Variants in ASAH2 observed in about 807,000 individuals in gnomAD.
ASAH2 encodes the protein neutral ceramidase.
ASAH2 carries 58 observed loss-of-function variants against 82.9 expected under a neutral mutation model. The ratio of observed to expected loss-of-function variants is 0.70; its 90% confidence interval spans 0.57 to 0.87. ASAH2 has a LOEUF of 0.87. Ranked by LOEUF, ASAH2 falls within the 40% of genes least tolerant of loss-of-function variation. The probability of loss-of-function intolerance (pLI) is 0.00; values close to 1 mark genes in which losing one functional copy is unlikely to be tolerated. For synonymous variants in ASAH2, 276 were observed against 289.7 expected (o/e 0.95, Z 0.48); for missense variants, 779 against 834.0 (o/e 0.93, Z 0.81).
rs1433393306 is a variant in ASAH2 at position 50,248,479 on chromosome 10, C to G, written c.127+5G>C. 6.2e-7 allele frequency: 1 copy of G among 1,613,454 alleles called. No homozygotes were observed. The highest frequency in any genetic ancestry group is 1.7e-5 in the Admixed American group (1 of 59,958). ...ATTGCATCTAAGAGAGCCCATGACACTTGCCTTTGTGGTTTTCAATGGTCC... is the reference window on the plus strand; with the variant it reads ...ATTGCATCTAAGAGAGCCCATGACAGTTGCCTTTGTGGTTTTCAATGGTCC... On this transcript the variant is annotated splice_donor_5th_base_variant and intron_variant, in intron 2 of 20. Coordinates refer to ENST00000682911, the MANE Select transcript of ASAH2 (RefSeq NM_019893.4).
intron 1 of ASAH2, among the ~76,000 whole-genome samples, chr10:50,250,033 G>A (rs956599909): frequency 6.6e-6 from 1 of 152,140 alleles, no homozygotes; most frequent in African/African-American, 2.4e-5. Context: ...AGCATTCAGA[G>A]TTTATAAAGA....
At chr10:50,234,684 A>G in intron 5 of ASAH2, 132 bp from the exon 6 acceptor site, 2 of 1,294,422 alleles carry the variant, frequency 1.5e-6, no homozygotes, top group South Asian at 2.5e-5. Flanking sequence ...ACGGGATAAA[A>G]GCTGGAGAAC....
intron 2 of ASAH2, 96 bp downstream of exon 2, chr10:50,248,388 T>A: frequency 2.1e-6 from 3 of 1,452,566 alleles, no homozygotes; most frequent in Non-Finnish European, 2.8e-6. Context: ...CACGTAGAAC[T>A]ATCAGCAGAC....
intron 5 of ASAH2, 124 bp downstream of exon 5, chr10:50,235,764 T>G: frequency 1.9e-6 from 2 of 1,032,140 alleles, no homozygotes; most frequent in Non-Finnish European, 3.0e-6. Context: ...GGAGAAAGAA[T>G]TGTACATGCT....
chr10:50,195,958 G>A (rs1443882637), intron 18 of ASAH2, among the ~76,000 whole-genome samples: 2 of 151,750 alleles, frequency 1.3e-5, no homozygotes, highest in African/African-American at 2.4e-5. Flanking sequence ...TTTAGACAGA[G>A]GGAATAAGTT....
intron 9 of ASAH2, among the ~76,000 whole-genome samples, chr10:50,214,173 T>C (rs1251498710): frequency 6.6e-6 from 1 of 152,138 alleles, no homozygotes; most frequent in African/African-American, 2.4e-5. Context: ...ATGTTGTTTA[T>C]GAATGCATAG....
chr10:50,193,807 C>T (rs1270072937), intron 18 of ASAH2, among the ~76,000 whole-genome samples: 3 of 152,060 alleles, frequency 2.0e-5, no homozygotes, highest in Middle Eastern at 3.4e-3. Context: ...ATATCATTGT[C>T]AACTCTTCAG....
In ASAH2 at chr10:50,194,981, C is replaced by T. The variant is rs868323993; in HGVS notation, c.2004+1792G>A. Among the ~76,000 whole-genome samples the T allele has an allele frequency of 7.7e-3, 1,142 of 148,376 alleles. 13 individuals are homozygous for T. Among genetic ancestry groups the T allele is most frequent in the African/African-American group, 0.027 (1,080 of 40,580 alleles). Reference sequence around the variant, plus strand: ...AAAAGCTCCATGATGTTGGTGTAGGCGATGTTTTTTTTTTTTTAATATGAC... The same window carrying T: ...AAAAGCTCCATGATGTTGGTGTAGGTGATGTTTTTTTTTTTTTAATATGAC... On this transcript the variant is annotated intron_variant, in intron 18 of 20. Coordinates refer to ENST00000682911, the MANE Select transcript of ASAH2 (RefSeq NM_019893.4).
At chr10:50,213,196 A>G in intron 9 of ASAH2, 138 bp from the exon 10 acceptor site, 1 of 804,290 alleles carries the variant, frequency 1.2e-6, no homozygotes, top group Non-Finnish European at 2.2e-6. Flanking sequence ...CTCTCAAAGT[A>G]CAAACTATAA....
intron 7 of ASAH2, among the ~76,000 whole-genome samples, chr10:50,227,594 C>G (rs1001077670): frequency 2.6e-5 from 4 of 151,512 alleles, no homozygotes; most frequent in African/African-American, 4.9e-5. Flanking sequence ...TTCAAGTTTT[C>G]TATGGTAAGC....
chr10:50,226,475 T>C (rs1200222056), intron 7 of ASAH2, among the ~76,000 whole-genome samples: 2 of 151,972 alleles, frequency 1.3e-5, no homozygotes, highest in African/African-American at 4.8e-5. Context: ...AGAAAATATA[T>C]AAAAGAAAAG....
At chr10:50,207,950 G>A (rs1845347508) in intron 12 of ASAH2, among the ~76,000 whole-genome samples, 1 of 151,848 alleles carries the variant, frequency 6.6e-6, no homozygotes, top group East Asian at 1.9e-4. Flanking sequence ...CACAGAGAAA[G>A]AATTGTTATA....
At chr10:50,221,251 G>A (rs942401920) in intron 7 of ASAH2, among the ~76,000 whole-genome samples, 2 of 152,080 alleles carry the variant, frequency 1.3e-5, no homozygotes, top group Admixed American at 6.6e-5. Flanking sequence ...ATCAACTAGT[G>A]TTTTCCAGTT....
At chr10:50,201,994 A>G (rs1381705542) in intron 16 of ASAH2, among the ~76,000 whole-genome samples, 4 of 152,108 alleles carry the variant, frequency 2.6e-5, no homozygotes, top group East Asian at 1.9e-4. Context: ...TATATTTATA[A>G]TTGACTGAAA....
In ASAH2 at chr10:50,212,986, A is replaced by T. The variant is rs1845498336; in HGVS notation, c.1213T>A (p.Tyr405Asn). The change falls in exon 10 of 21, where the codon TAT (tyrosine) becomes AAT (asparagine). Residue 405 changes from tyrosine to asparagine, a missense_variant. By Grantham distance (143) the Tyr-to-Asn change is moderately radical. Transcript: ENST00000682911. Reference protein sequence around the residue: ...DSTQIIGRAMYQRAKELYASA... With the variant: ...DSTQIIGRAMNQRAKELYASA... ...CCATGGCTTACCTTTGCTCTCTGAT[A>T]CATGGCCCGTCCTATAATTTGTGTG... The T allele has an allele frequency of 6.2e-7, 1 of 1,613,576 alleles. No individual in the cohort carries two copies. The highest frequency in any genetic ancestry group is 1.3e-5 in the African/African-American group (1 of 74,912).
chr10:50,231,096 C>T (rs1209334321), intron 7 of ASAH2, among the ~76,000 whole-genome samples: 1 of 151,124 alleles, frequency 6.6e-6, no homozygotes, highest in Non-Finnish European at 1.5e-5. Flanking sequence ...TGTAAATGGT[C>T]TTGGTCCTTC....
At chr10:50,242,321 G>C (rs959174599) in intron 4 of ASAH2, among the ~76,000 whole-genome samples, 6 of 152,194 alleles carry the variant, frequency 3.9e-5, no homozygotes. Context: ...TTAAAGTGAT[G>C]CTTTTAGGCC....
chr10:50,227,176 A>G (rs969605517), intron 7 of ASAH2, among the ~76,000 whole-genome samples: 1 of 152,202 alleles, frequency 6.6e-6, no homozygotes, highest in Non-Finnish European at 1.5e-5. Flanking sequence ...TTCATAAGAG[A>G]CACCCTTAAA....
intron 4 of ASAH2, chr10:50,240,472 C>T (rs1413310846): frequency 1.4e-6 from 1 of 702,220 alleles, no homozygotes; most frequent in Non-Finnish European, 2.6e-6. Context: ...TATCAAACAT[C>T]CCTACCTGCT....
Sources: gnomAD v4.1 joint callset for allele counts (sites outside exome capture counted in the v4.1 genomes callset) on GRCh38, gnomAD v4.1.1 for gene constraint, MANE v1.5 for transcripts, NCBI Gene and HGNC (gene_info 2026-07-23, HGNC 2026-07-21) for gene names.